Variants in SEPTIN11 observed in about 807,000 individuals in gnomAD.
SEPTIN11 encodes the protein septin 11, also known as septin-11.
Under a neutral mutation model 51.4 loss-of-function variants are expected in SEPTIN11, and 25 were observed. That is an observed-to-expected ratio of 0.49 (90% CI 0.35 to 0.68). SEPTIN11 has a LOEUF of 0.68. SEPTIN11 is among the 30% of genes least tolerant of loss of function. The pLI, the probability that SEPTIN11 is intolerant of heterozygous loss-of-function variation, is 0.00. For synonymous variants in SEPTIN11, 174 were observed against 184.1 expected (o/e 0.95, Z 0.44); for missense variants, 381 against 520.8 (o/e 0.73, Z 2.61).
Position 77,030,798 on chromosome 4 carries a change from G to T in SEPTIN11, c.1102G>T (p.Asp368Tyr). 6.3e-7 allele frequency: 1 copy of T among 1,588,134 alleles called. No individual in the cohort carries two copies. The highest frequency in any genetic ancestry group is 1.2e-5 in the South Asian group (1 of 86,854). Residue 368 changes from aspartate to tyrosine, a missense_variant, in exon 9 of 10, where the codon GAC becomes TAC. Physicochemically the swap from Asp to Tyr is radical, Grantham distance 160. Transcript: ENST00000264893. Reference protein sequence around the residue: ...EAEKELHEKFDLLKRTHQEEK... With the variant: ...EAEKELHEKFYLLKRTHQEEK... ...TTCTCTCCAGCTTCACGAGAAGTTT[G>T]ACCTTCTAAAGCGGACACACCAAGA...
chr4:77,020,491 CT>C lies in SEPTIN11; in HGVS notation c.785-10del, dbSNP rs537505930. 5.7e-4 allele frequency: 924 copies of C among 1,612,882 alleles called. 22 individuals are homozygous for C. The South Asian group carries it at 9.5e-3, about 17-fold the overall frequency. On this transcript the variant is annotated splice_polypyrimidine_tract_variant and intron_variant, in intron 6 of 9. Transcript: ENST00000264893. ...TAATCCCACTTCCGCCATTTCCCCC[CT>C]CTCTTGTAGTTGAGAATGAAAATCA... is the stretch of plus-strand genomic sequence containing the variant.
Position 77,035,550 on chromosome 4 carries a change from TAGGAAGGACCACAACATGACCCGTA to T in SEPTIN11, c.*1041_*1065del. On this transcript the variant is annotated 3_prime_UTR_variant, in exon 10 of 10. Coordinates refer to ENST00000264893, the MANE Select transcript of SEPTIN11 (RefSeq NM_018243.4). ...GGCCTTGTCAATTTTAAGGTGGAAA[TAGGAAGGACCACAACATGACCCGTA>T]AGTCAAGAAGGTAGACATTTCATAT... 4.1e-6 allele frequency: 4 copies of T among 985,428 alleles called. No homozygotes were observed. Among genetic ancestry groups the T allele is most frequent in the Non-Finnish European group, 4.8e-6 (4 of 829,936 alleles). The allele number at this position is 985,428 out of a possible 1,614,324, so 61.0% of individuals were successfully genotyped here. A position where few individuals can be genotyped will look rare whatever the true frequency, so the allele number is the denominator to read the frequency against.
At chr4:76,981,233 TTC>T (rs1252381416) in intron 1 of SEPTIN11, among the ~76,000 whole-genome samples, 1 of 152,212 alleles carries the variant, frequency 6.6e-6, no homozygotes, top group East Asian at 1.9e-4. Flanking sequence ...TACTTGATTA[TTC>T]AGACATATCA....
In SEPTIN11 at chr4:77,037,304, G is replaced by A; in HGVS notation, c.*2792G>A. 1.1e-6 allele frequency: 1 copy of A among 881,118 alleles called. No individual in the cohort carries two copies. Among genetic ancestry groups the A allele is most frequent in the Non-Finnish European group, 1.4e-6 (1 of 734,966 alleles). 54.6% of individuals were successfully genotyped at this position (881,118 alleles called of 1,614,324 possible). On this transcript the variant is annotated 3_prime_UTR_variant, in exon 10 of 10. Transcript: ENST00000264893. Reference sequence around the variant, plus strand: ...TTGAACTTGGGAGATGGAGGTTGCAGTGAGCCAAGATTGCACCACTGCATT... The same window carrying A: ...TTGAACTTGGGAGATGGAGGTTGCAATGAGCCAAGATTGCACCACTGCATT...
At chr4:76,950,959 C>A (rs1199040223) in intron 1 of SEPTIN11, among the ~76,000 whole-genome samples, 1 of 152,186 alleles carries the variant, frequency 6.6e-6, no homozygotes, top group African/African-American at 2.4e-5. Context: ...GCTTTGGGGG[C>A]GCCTCGGGCG....
intron 1 of SEPTIN11, among the ~76,000 whole-genome samples, chr4:76,952,858 C>T (rs1384467892): frequency 2.6e-5 from 4 of 152,142 alleles, no homozygotes; most frequent in Non-Finnish European, 4.4e-5. Flanking sequence ...AGCATTTTTG[C>T]GTCCAAATCC....
chr4:77,020,729 T>C (rs1467873486), intron 7 of SEPTIN11, 59 bp downstream of exon 7: 1 of 1,506,480 alleles, frequency 6.6e-7, no homozygotes, highest in South Asian at 1.2e-5. Context: ...GGCATGGTGG[T>C]ACATCACAGA....
At chr4:76,980,972 A>G (rs4241597) in intron 1 of SEPTIN11, among the ~76,000 whole-genome samples, 33,399 of 152,146 alleles carry the variant, frequency 0.22, 3,780 homozygotes, top group East Asian at 0.34. Flanking sequence ...CAAGACTGTC[A>G]GAAACATATT....
chr4:76,977,617 A>AT (rs532421322), intron 1 of SEPTIN11, among the ~76,000 whole-genome samples: 2 of 151,712 alleles, frequency 1.3e-5, no homozygotes, highest in South Asian at 4.2e-4. Flanking sequence ...GTAAATCAAT[A>AT]TTTTTTTTCA....
At chr4:77,002,584 A>T (rs1353902761) in intron 2 of SEPTIN11, among the ~76,000 whole-genome samples, 1 of 152,182 alleles carries the variant, frequency 6.6e-6, no homozygotes, top group Non-Finnish European at 1.5e-5. Context: ...CATGTACTTA[A>T]AATGACTCAA....
intron 1 of SEPTIN11, among the ~76,000 whole-genome samples, chr4:76,953,414 T>C (rs1440845432): frequency 6.6e-6 from 1 of 152,232 alleles, no homozygotes; most frequent in Non-Finnish European, 1.5e-5. Context: ...AAGGATCATA[T>C]CTGTCTGGGG....
intron 1 of SEPTIN11, among the ~76,000 whole-genome samples, chr4:76,951,542 C>T (rs1330080519): frequency 2.0e-5 from 3 of 152,160 alleles, no homozygotes; most frequent in African/African-American, 7.2e-5. Flanking sequence ...TACTCCTCCC[C>T]CTGCCCCCCA....
chr4:76,996,259 G>T (rs1413188322), intron 1 of SEPTIN11, among the ~76,000 whole-genome samples, 166 bp from the exon 2 acceptor site: 6 of 152,186 alleles, frequency 3.9e-5, no homozygotes, highest in African/African-American at 1.4e-4. Context: ...GCTTGGCTTT[G>T]GAGTTGTTAG....
intron 4 of SEPTIN11, among the ~76,000 whole-genome samples, chr4:77,013,636 A>G (rs1725024395): frequency 6.6e-6 from 1 of 152,248 alleles, no homozygotes; most frequent in Non-Finnish European, 1.5e-5. Context: ...AACTTGCTGG[A>G]GGAAGCCCAA....
At chr4:76,976,235 G>C (rs1169534353) in intron 1 of SEPTIN11, among the ~76,000 whole-genome samples, 2 of 151,908 alleles carry the variant, frequency 1.3e-5, no homozygotes, top group Non-Finnish European at 2.9e-5. Context: ...TTTTTGGCTT[G>C]TATCTCTTGC....
At chr4:77,004,106 TCAA>T (rs575057712) in intron 2 of SEPTIN11, among the ~76,000 whole-genome samples, 44 of 152,326 alleles carry the variant, frequency 2.9e-4, no homozygotes, top group Admixed American at 2.0e-3. Flanking sequence ...TGTCTTTGAC[TCAA>T]CAATAAGAAT....
At chr4:77,021,248 T>C (rs963701589) in intron 7 of SEPTIN11, 2 of 152,336 alleles carry the variant, frequency 1.3e-5, no homozygotes, top group Non-Finnish European at 2.9e-5. Flanking sequence ...AGACGCAAAA[T>C]GTGAAGGGGA....
At chr4:76,957,275 C>T (rs1372262169) in intron 1 of SEPTIN11, among the ~76,000 whole-genome samples, 2 of 152,044 alleles carry the variant, frequency 1.3e-5, no homozygotes, top group Admixed American at 6.6e-5. Flanking sequence ...TGGACCTTTC[C>T]CAGCCATATG....
intron 2 of SEPTIN11, among the ~76,000 whole-genome samples, chr4:76,999,201 G>A (rs1723945060): frequency 6.6e-6 from 1 of 152,194 alleles, no homozygotes; most frequent in African/African-American, 2.4e-5. Flanking sequence ...AGCTCTTTGG[G>A]AGATAGGAGT....
Sources: gnomAD v4.1 joint callset for allele counts (sites outside exome capture counted in the v4.1 genomes callset) on GRCh38, gnomAD v4.1.1 for gene constraint, MANE v1.5 for transcripts, NCBI Gene and HGNC (gene_info 2026-07-23, HGNC 2026-07-21) for gene names.